The following CEP170B variants were observed in gnomAD, a reference collection of about 807,000 sequenced individuals.
CEP170B encodes centrosomal protein of 170 kDa protein B.
In CEP170B, 55 loss-of-function variants were observed where a neutral mutation model predicts 120.6. The ratio of observed to expected loss-of-function variants is 0.46; its 90% confidence interval spans 0.37 to 0.57. The LOEUF (loss-of-function observed/expected upper bound fraction) is 0.57. CEP170B is among the 20% of genes least tolerant of loss of function. CEP170B has a pLI of 0.00. For missense variants in CEP170B, 2,212 were observed against 2,253.3 expected, an observed-to-expected ratio of 0.98 and a Z score of 0.37; for synonymous variants, 1,033 against 954.5, an observed-to-expected ratio of 1.08 and a Z score of -1.52.
At chr14:104,865,175 GGCGGCGCGGGGT>G (rs1895133198), upstream of CEP170B, 2 of 146,530 alleles carry the variant, frequency 1.4e-5, no homozygotes, top group Non-Finnish European at 3.0e-5. This position sits in a 1 kb window ranked among gnomAD's most constrained non-coding sequence, Gnocchi z 6.7. Flanking sequence ...TTTCCGGCGG[GGCGGCGCGGGGT>G]GCGGCGCGGC....
chr14:104,894,253 C>A (rs1896982538), intron 16 of CEP170B, 32 bp from the exon 17 acceptor site: 1 of 1,499,118 alleles, frequency 6.7e-7, no homozygotes, highest in Non-Finnish European at 9.3e-7. Context: ...TGTCCTTGTC[C>A]CCCCATTTCT....
intron 12 of CEP170B, 67 bp from the exon 13 acceptor site, chr14:104,889,553 A>T (rs766810027): frequency 6.3e-7 from 1 of 1,599,894 alleles, no homozygotes; most frequent in Non-Finnish European, 8.5e-7. Context: ...TTACACGTCC[A>T]CCTCTGAGGA....
At chr14:104,883,705 G>T (rs72700188) in intron 8 of CEP170B, 126 bp from the exon 9 acceptor site, 21 of 1,117,244 alleles carry the variant, frequency 1.9e-5, no homozygotes, top group Admixed American at 1.1e-4. Context: ...TGCCCTGTGT[G>T]GGGGGGCCCT....
rs1381805249 is a variant in CEP170B, at chr14:104,889,671, C to A, written c.3791C>A (p.Pro1264His). 1 of 1,612,174 alleles carries A rather than the reference C, an allele frequency of 6.2e-7. No homozygotes were observed. Among genetic ancestry groups the A allele is most frequent in the South Asian group, 1.1e-5 (1 of 91,070 alleles). ...GSSSRARSRA[P>H]GPRDTDDDEE... Reference sequence around the variant, plus strand: ...TCCAGCCGGGCTCGTTCCCGGGCCCCCGGCCCCCGGGACACGGACGACGAT... The same window carrying A: ...TCCAGCCGGGCTCGTTCCCGGGCCCACGGCCCCCGGGACACGGACGACGAT... The change falls in exon 13 of 19, where the codon CCC becomes CAC. Residue 1264 changes from proline to histidine, a missense_variant. Transcript: ENST00000414716.
At chr14:104,873,903 CT>C (rs986355001) in intron 2 of CEP170B, among the ~76,000 whole-genome samples, 36 of 152,200 alleles carry the variant, frequency 2.4e-4, no homozygotes, top group African/African-American at 7.5e-4. Context: ...GCAGGTCCCC[CT>C]GGCCCCGTGG....
chr14:104,882,001 C>G (rs72700185), intron 6 of CEP170B, among the ~76,000 whole-genome samples: 4,398 of 152,144 alleles, frequency 0.029, 76 homozygotes, highest in Middle Eastern at 0.085. Context: ...CCTGGGCTTC[C>G]GCAAGGATGG....
intron 2 of CEP170B, among the ~76,000 whole-genome samples, chr14:104,869,335 G>A (rs1299126789): frequency 3.3e-5 from 5 of 152,178 alleles, no homozygotes; most frequent in Non-Finnish European, 7.4e-5. Flanking sequence ...CAGTCTAGCC[G>A]AGGGGCCTGC....
intron 13 of CEP170B, among the ~76,000 whole-genome samples, chr14:104,892,305 C>G (rs1896884926): frequency 6.6e-6 from 1 of 152,140 alleles, no homozygotes; most frequent in Non-Finnish European, 1.5e-5. Flanking sequence ...TGGGAAGTGT[C>G]TGTTACCTCG....
Position 104,880,298 on chromosome 14 carries a change from C to G in CEP170B, c.345C>G (p.Tyr115Ter). ...VPEEALKHEK[Y>*]TSQLQVSVKG... is the part of the protein sequence containing the mutation. ...TGGCCTGCCCACAGCATGAAAAGTACACCAGCCAGCTGCAGGTGAGCGTGA... is the reference window on the plus strand; with the variant it reads ...TGGCCTGCCCACAGCATGAAAAGTAGACCAGCCAGCTGCAGGTGAGCGTGA... The change falls in exon 6 of 19, where the codon TAC becomes TAG. Residue 115 changes from tyrosine (Y) to a stop codon, truncating the protein, a stop_gained. Transcript: ENST00000414716. LOFTEE classifies it high-confidence loss of function. 1.2e-6 allele frequency: 2 copies of G among 1,601,622 alleles called. No homozygotes were observed. Among genetic ancestry groups the G allele is most frequent in the Non-Finnish European group, 1.7e-6 (2 of 1,174,770 alleles).
In CEP170B at chr14:104,886,130, G is replaced by A. The variant is rs1365924672; in HGVS notation, c.2035G>A (p.Glu679Lys). The change falls in exon 11 of 19, where the codon GAG (glutamate) becomes AAG (lysine). Residue 679 changes from glutamate to lysine, a missense_variant and splice_region_variant. By Grantham distance (56) the Glu-to-Lys change is moderately conservative (BLOSUM62 1). This residue lies in a region of CEP170B where 2,166 missense variants were observed against 2,166.7 expected (regional missense o/e 1.00). Coordinates refer to ENST00000414716, the MANE Select transcript of CEP170B (RefSeq NM_001112726.3). The stretch of plus-strand genomic sequence containing the variant: ...CAGCTACTCAGACCCGGGCCTCACA[G>A]GTAAGTGGCTCCAGTGCTGCGGGGG... ...ADSYSDPGLT[E>K]DGLGRRGGEP... 6.5e-7 allele frequency: 1 copy of A among 1,535,696 alleles called. No homozygotes were observed. The highest frequency in any genetic ancestry group is 8.8e-7 in the Non-Finnish European group (1 of 1,142,008).
chr14:104,876,617 T>C (rs552265364), intron 3 of CEP170B, among the ~76,000 whole-genome samples: 1 of 149,022 alleles, frequency 6.7e-6, no homozygotes, highest in Non-Finnish European at 1.5e-5. Flanking sequence ...CTGGCCCCTC[T>C]CCCAGATCGG....
rs1895280920 is a variant in CEP170B at position 104,868,018 on chromosome 14, C to A, written c.-27-406C>A. Among the ~76,000 whole-genome samples, 1 of 151,994 alleles carries A rather than the reference C, an allele frequency of 6.6e-6. No individual in the cohort carries two copies. The highest frequency in any genetic ancestry group is 2.1e-4 in the South Asian group (1 of 4,812). ...TGCTGTGGACCTGGCATCATGGGGA[C>A]CCTGATGGGCTATGCTGGGTCCTAC... On this transcript the variant is annotated intron_variant, in intron 1 of 18. Coordinates refer to ENST00000414716, the MANE Select transcript of CEP170B (RefSeq NM_001112726.3). The surrounding 1 kb of genome is among the most constrained non-coding windows in gnomAD (Gnocchi z 5.9).
In CEP170B at chr14:104,878,571, C is replaced by T. The variant is rs1229287745; in HGVS notation, c.333+70C>T. On this transcript the variant is annotated intron_variant, in intron 5 of 18. Coordinates refer to ENST00000414716, the MANE Select transcript of CEP170B (RefSeq NM_001112726.3). ...CCCCCCATCCTCCCCACCATGCTCC[C>T]GCTGCCATCTCCCCAGCAAACACTC... 43 of 1,517,196 alleles carry T rather than the reference C, an allele frequency of 2.8e-5. 1 individual carries two copies. The highest frequency in any genetic ancestry group is 2.7e-4 in the South Asian group (24 of 88,822). 94.0% of individuals were successfully genotyped at this position (1,517,196 alleles called of 1,614,324 possible).
intron 12 of CEP170B, 200 bp from the exon 13 acceptor site, chr14:104,889,420 A>G (rs950593869): frequency 1.1e-5 from 15 of 1,381,848 alleles, no homozygotes; most frequent in Non-Finnish European, 1.4e-5. Context: ...GCCCTGCAGC[A>G]CTGAGCCCTC....
At chr14:104,890,289 G>T (rs575747803) in intron 13 of CEP170B, among the ~76,000 whole-genome samples, 1 of 140,952 alleles carries the variant, frequency 7.1e-6, no homozygotes, top group African/African-American at 2.6e-5. Flanking sequence ...TGAGTGAGTG[G>T]GTGGATGGAT....
intron 2 of CEP170B, among the ~76,000 whole-genome samples, chr14:104,875,557 G>C (rs894858602): frequency 6.6e-6 from 1 of 152,094 alleles, no homozygotes; most frequent in East Asian, 1.9e-4. Context: ...GGAGTTGGGG[G>C]CCGGGTGGGC....
At chr14:104,885,084 C>T (rs1038951456) in intron 9 of CEP170B, among the ~76,000 whole-genome samples, 5 of 151,270 alleles carry the variant, frequency 3.3e-5, no homozygotes, top group African/African-American at 7.3e-5. Context: ...TGGAGGTGGG[C>T]GGACGTTGTC....
Position 104,886,459 on chromosome 14 carries a change from G to C in CEP170B, c.2220G>C (p.Glu740Asp). 6.4e-7 allele frequency: 1 copy of C among 1,565,120 alleles called. No homozygotes were observed. The highest frequency in any genetic ancestry group is 8.6e-7 in the Non-Finnish European group (1 of 1,157,680). ...AGCCCAGCCGCCTCTTCGGCCAGGA[G>C]GAGTTGGATCCTGACAGCCTCAGCG... ...SEQPSRLFGQ[E>D]ELDPDSLSDA... The change falls in exon 12 of 19, where the codon GAG becomes GAC. Residue 740 changes from glutamate to aspartate, a missense_variant. By Grantham distance (45) the Glu-to-Asp change is conservative (BLOSUM62 2). Coordinates refer to ENST00000414716, the MANE Select transcript of CEP170B (RefSeq NM_001112726.3).
upstream of CEP170B, among the ~76,000 whole-genome samples, chr14:104,865,021 G>A (rs1895117893): frequency 6.6e-6 from 1 of 151,686 alleles, no homozygotes; most frequent in South Asian, 2.1e-4. The surrounding 1 kb of genome is among the most constrained non-coding windows in gnomAD (Gnocchi z 6.7). Context: ...GATGAGCCGG[G>A]GAGGCCAGCG....
Sources: gnomAD v4.1 joint callset for allele counts (sites outside exome capture counted in the v4.1 genomes callset) on GRCh38, gnomAD v4.1.1 for gene constraint, gnomAD v4.1.1 regional missense constraint, Gnocchi (gnomAD v3.1) non-coding constraint, MANE v1.5 for transcripts, NCBI Gene and HGNC (gene_info 2026-07-23, HGNC 2026-07-21) for gene names.